The following MGRN1 variants were observed in gnomAD, a reference collection of about 807,000 sequenced individuals.
The protein encoded by MGRN1 is mahogunin ring finger 1.
Under a neutral mutation model 69.2 loss-of-function variants are expected in MGRN1, and 29 were observed. The ratio of observed to expected loss-of-function variants is 0.42; its 90% confidence interval spans 0.31 to 0.57. MGRN1 has a LOEUF of 0.57. MGRN1 is among the 20% of genes least tolerant of loss of function. The pLI is 0.15. For missense variants in MGRN1, 998 were observed against 796.2 expected, an observed-to-expected ratio of 1.25 and a Z score of -3.05; for synonymous variants, 470 against 344.2, an observed-to-expected ratio of 1.37 and a Z score of -4.04.
At chr16:4,639,515 G>A (rs781754245) in intron 1 of MGRN1, among the ~76,000 whole-genome samples, 1 of 152,194 alleles carries the variant, frequency 6.6e-6, no homozygotes. Context: ...TCAGGAGGAA[G>A]CCTGGGCTAC....
Position 4,652,746 on chromosome 16 carries a change from T to A in MGRN1, c.365T>A (p.Phe122Tyr), listed in dbSNP as rs773333527. ...CCCCGGGTGCTCTACAGCCTGGAGTTCACCTTCGACGCCGATGCCCGCGTG... is the reference window on the plus strand; with the variant it reads ...CCCCGGGTGCTCTACAGCCTGGAGTACACCTTCGACGCCGATGCCCGCGTG... ...DKPRVLYSLEFTFDADARVAI... is the reference protein window; with the variant it reads ...DKPRVLYSLEYTFDADARVAI... The change falls in exon 4 of 17, where the codon TTC becomes TAC. Residue 122 changes from phenylalanine to tyrosine, a missense_variant. By Grantham distance (22) the Phe-to-Tyr change is conservative. Transcript: ENST00000262370. The A allele has an allele frequency of 1.2e-6, 2 of 1,613,126 alleles. No individual in the cohort carries two copies. The highest frequency in any genetic ancestry group is 2.2e-5 in the South Asian group (2 of 90,924).
chr16:4,670,035 T>A (rs1335902001), intron 8 of MGRN1, among the ~76,000 whole-genome samples: 2 of 152,172 alleles, frequency 1.3e-5, no homozygotes, highest in Non-Finnish European at 2.9e-5. Context: ...GTTTTTAATT[T>A]TTTAAATATT....
chr16:4,667,066 C>A (rs945799981), intron 7 of MGRN1, among the ~76,000 whole-genome samples: 1 of 152,242 alleles, frequency 6.6e-6, no homozygotes, highest in Admixed American at 6.5e-5. Context: ...TGCGTGGCAC[C>A]ATCCTGCTGC....
intron 11 of MGRN1, among the ~76,000 whole-genome samples, chr16:4,678,629 C>T (rs576075560): frequency 4.6e-5 from 7 of 152,108 alleles, no homozygotes; most frequent in Non-Finnish European, 1.0e-4. Flanking sequence ...CTGTGGTGGG[C>T]AGGGAGCAGA....
At chr16:4,673,147 GT>G (rs199515991) in intron 9 of MGRN1, among the ~76,000 whole-genome samples, 2 of 152,048 alleles carry the variant, frequency 1.3e-5, no homozygotes, top group Non-Finnish European at 2.9e-5. Flanking sequence ...CATTAACTTG[GT>G]TTTTTTTAAA....
chr16:4,677,422 T>C, intron 10 of MGRN1, 41 bp from the exon 11 acceptor site: 1 of 1,465,254 alleles, frequency 6.8e-7, no homozygotes, highest in Non-Finnish European at 9.1e-7. Flanking sequence ...CGGGGCTGGG[T>C]GTGTCGCCTG....
chr16:4,636,764 C>T (rs547926232), intron 1 of MGRN1, among the ~76,000 whole-genome samples: 141 of 152,078 alleles, frequency 9.3e-4, no homozygotes, highest in African/African-American at 3.3e-3. Context: ...TTTCTCTATG[C>T]GAATTGGCCA....
chr16:4,677,214 C>G (rs1324036207), intron 10 of MGRN1: 1 of 389,758 alleles, frequency 2.6e-6, no homozygotes, highest in Non-Finnish European at 4.6e-6. Context: ...TGTCTCTCGT[C>G]TTTGGAGCGC....
intron 11 of MGRN1, among the ~76,000 whole-genome samples, chr16:4,679,489 G>A (rs1361933752): frequency 2.7e-5 from 4 of 146,048 alleles, no homozygotes; most frequent in Non-Finnish European, 4.5e-5. Flanking sequence ...CCCCTTCCAC[G>A]TAGTGACAGA....
chr16:4,627,417 T>C (rs570074058), intron 1 of MGRN1, among the ~76,000 whole-genome samples: 1 of 152,382 alleles, frequency 6.6e-6, no homozygotes, highest in East Asian at 1.9e-4. Flanking sequence ...CATAGCTTTA[T>C]TGAGATGTAG....
At position 4,648,447 on chromosome 16, in the gene MGRN1, T is replaced by C. The variant is rs113331190; in HGVS notation, c.89-1918T>C. ...TCCCGTGGTCACCCGGCTCCTCCTCTCGGGGACTCTTCCCGTGGTCACCTG... is the reference window on the plus strand; with the variant it reads ...TCCCGTGGTCACCCGGCTCCTCCTCCCGGGGACTCTTCCCGTGGTCACCTG... On this transcript the variant is annotated intron_variant, in intron 1 of 16. Transcript: ENST00000262370. Among the ~76,000 whole-genome samples the C allele has an allele frequency of 2.2e-3, 133 of 59,722 alleles. 1 individual carries two copies. The highest frequency in any genetic ancestry group is 9.3e-3 in the African/African-American group (91 of 9,752). 39.2% of individuals were successfully genotyped at this position (59,722 alleles called of 152,430 possible).
rs776438545 is a variant in MGRN1, at chr16:4,671,341, C to A, written c.727-50C>A. On this transcript the variant is annotated intron_variant, in intron 8 of 16. Transcript: ENST00000262370. ...CTAGGCCAGGTGGGTATGGAGGAGC[C>A]CTCATATGGCAGTTGGCGAGGGCCC... 22 of 1,584,364 alleles carry A rather than the reference C, an allele frequency of 1.4e-5. No individual in the cohort carries two copies. The East Asian group carries it at 4.7e-4, about 34-fold the overall frequency.
intron 9 of MGRN1, chr16:4,672,593 C>A (rs184947263): frequency 3.6e-4 from 140 of 393,732 alleles, no homozygotes; most frequent in African/African-American, 2.4e-3. Context: ...TTTCAGCCGC[C>A]CGGGCATATG....
chr16:4,654,987 C>T (rs1377331977), intron 4 of MGRN1, among the ~76,000 whole-genome samples: 3 of 152,240 alleles, frequency 2.0e-5, no homozygotes, highest in Non-Finnish European at 2.9e-5. Context: ...ACTAGTAATG[C>T]ATGCCTGTGT....
chr16:4,690,821 T>C lies in MGRN1; in HGVS notation c.*1913T>C, dbSNP rs893583193. On this transcript the variant is annotated 3_prime_UTR_variant, in exon 17 of 17. Transcript: ENST00000262370. Reference sequence around the variant, plus strand: ...CCGCCCCCACCAAGGCCCCAGCCTCTGGCCATCAGTCCTGGTGCCAGAGCT... The same window carrying C: ...CCGCCCCCACCAAGGCCCCAGCCTCCGGCCATCAGTCCTGGTGCCAGAGCT... 3.3e-5 allele frequency: 2 copies of C among 60,480 alleles called. No individual in the cohort carries two copies. Among genetic ancestry groups the C allele is most frequent in the African/African-American group, 1.4e-4 (2 of 14,712 alleles). The allele number at this position is 60,480 out of a possible 1,614,324, so 3.7% of individuals were successfully genotyped here. A position where few individuals can be genotyped will look rare whatever the true frequency, so the allele number is the denominator to read the frequency against.
intron 6 of MGRN1, 105 bp downstream of exon 6, chr16:4,664,880 G>C: frequency 6.9e-7 from 1 of 1,451,428 alleles, no homozygotes; most frequent in South Asian, 1.2e-5. Flanking sequence ...GCCAGGCATA[G>C]GGCCTTGGGC....
At chr16:4,649,359 C>G (rs748283759) in intron 1 of MGRN1, 2 of 152,256 alleles carry the variant, frequency 1.3e-5, no homozygotes, top group African/African-American at 4.8e-5. Flanking sequence ...AATGTATTCT[C>G]TCACCATCAC....
chr16:4,661,279 C>T (rs2078674383), intron 5 of MGRN1, among the ~76,000 whole-genome samples: 1 of 152,144 alleles, frequency 6.6e-6, no homozygotes, highest in Non-Finnish European at 1.5e-5. Context: ...ACGTCAGGCC[C>T]ACCAGTCTGC....
At position 4,678,751 on chromosome 16, in the gene MGRN1, T is replaced by TA. The variant is rs569863233; in HGVS notation, c.1065+1180dup. Among the ~76,000 whole-genome samples, 140 of 152,344 alleles carry TA rather than the reference T, an allele frequency of 9.2e-4. 1 individual carries two copies. The highest frequency in any genetic ancestry group is 3.1e-3 in the African/African-American group (127 of 41,580). ...TTTCTTGGCTCTTAGCTGTGGCTGT[T>TA]ATGAGCCGTTGGTTCTTCCAGGCTC... On this transcript the variant is annotated intron_variant, in intron 11 of 16. Transcript: ENST00000262370.
Sources: gnomAD v4.1 joint callset for allele counts (sites outside exome capture counted in the v4.1 genomes callset) on GRCh38, gnomAD v4.1.1 for gene constraint, MANE v1.5 for transcripts, NCBI Gene and HGNC (gene_info 2026-07-23, HGNC 2026-07-21) for gene names.